PPP6R2: variants seen among roughly 807,000 people sequenced by gnomAD.
PPP6R2 encodes the protein protein phosphatase 6 regulatory subunit 2, also known as serine/threonine-protein phosphatase 6 regulatory subunit 2.
A neutral mutation model predicts 100.2 loss-of-function variants in PPP6R2; 62 were observed. That is an observed-to-expected ratio of 0.62 (90% confidence interval 0.50 to 0.76). The LOEUF (loss-of-function observed/expected upper bound fraction) is 0.76, where lower values mean the gene tolerates loss of function less well. Among genes scored for constraint, PPP6R2 ranks in the 30% least tolerant of loss-of-function variants. The pLI is 0.00. For synonymous variants in PPP6R2, 525 were observed against 514.7 expected, an observed-to-expected ratio of 1.02 and a Z score of -0.27; for missense variants, 1,142 against 1,276.3, an observed-to-expected ratio of 0.89 and a Z score of 1.60.
At chr22:50,334,429 A>G in the PPP6R2 span, among the ~76,000 whole-genome samples, 1 of 152,226 alleles carries the variant, frequency 6.6e-6, no homozygotes, top group Non-Finnish European at 1.5e-5. Context: ...AACAAAGATT[A>G]TTATAATATT....
At chr22:50,342,057 G>T (rs575211180), upstream of PPP6R2, among the ~76,000 whole-genome samples, 2 of 152,162 alleles carry the variant, frequency 1.3e-5, no homozygotes, top group East Asian at 1.9e-4. Flanking sequence ...AGCACAGGAG[G>T]GGTATCAAGA....
At chr22:50,419,858 G>A (rs7410540) in intron 8 of PPP6R2, among the ~76,000 whole-genome samples, 29,271 of 152,244 alleles carry the variant, frequency 0.19, 3,101 homozygotes, top group East Asian at 0.24. Context: ...TATCTCCCAT[G>A]CAGACTGGCC....
At chr22:50,350,034 C>T in intron 1 of PPP6R2, among the ~76,000 whole-genome samples, 1 of 152,040 alleles carries the variant, frequency 6.6e-6, no homozygotes, top group East Asian at 1.9e-4. Flanking sequence ...AGGAGAATGC[C>T]TTGAACCCAG....
At chr22:50,347,542 G>T (rs900057619) in intron 1 of PPP6R2, among the ~76,000 whole-genome samples, 1 of 151,456 alleles carries the variant, frequency 6.6e-6, no homozygotes, top group Non-Finnish European at 1.5e-5. Context: ...CCCCCGACCT[G>T]CCACTCTGTG....
At chr22:50,355,323 C>T (rs1443603188) in intron 1 of PPP6R2, among the ~76,000 whole-genome samples, 5 of 150,974 alleles carry the variant, frequency 3.3e-5, no homozygotes, top group Non-Finnish European at 5.9e-5. Context: ...CTGCAAGCTC[C>T]GCCTCCCAGG....
At chr22:50,420,620 T>C (rs9616997) in intron 8 of PPP6R2, among the ~76,000 whole-genome samples, 57,891 of 152,028 alleles carry the variant, frequency 0.38, 11,440 homozygotes, top group East Asian at 0.67. Flanking sequence ...CCAGAGCCGT[T>C]CAAGCAGTTG....
the PPP6R2 span, among the ~76,000 whole-genome samples, chr22:50,337,826 G>C: frequency 7.0e-6 from 1 of 143,348 alleles, no homozygotes; most frequent in African/African-American, 2.6e-5. Flanking sequence ...TCTGGGTACA[G>C]TGTGTGTGTG....
chr22:50,418,607 TG>T (rs2147663214), intron 6 of PPP6R2, among the ~76,000 whole-genome samples: 1 of 152,200 alleles, frequency 6.6e-6, no homozygotes, highest in East Asian at 1.9e-4. Context: ...AGGATGGTCT[TG>T]ATCTCCTGAC....
chr22:50,411,308 G>T (rs1417522821), intron 4 of PPP6R2, among the ~76,000 whole-genome samples: 1 of 152,052 alleles, frequency 6.6e-6, no homozygotes, highest in African/African-American at 2.4e-5. Context: ...ATAAAAATTA[G>T]CTGGGTGTGG....
chr22:50,423,325 C>A lies in PPP6R2; in HGVS notation c.973-137C>A. ...TTCATTTCTTCTGGCAGACGGCCCT[C>A]CCTGAGGAACCCCCACCACATACCT... On this transcript the variant is annotated intron_variant, in intron 9 of 23. Transcript: ENST00000612753. The surrounding 1 kb of genome is among the most constrained non-coding windows in gnomAD (Gnocchi z 4.8). 9.9e-7 allele frequency: 1 copy of A among 1,008,670 alleles called. No homozygotes were observed. Among genetic ancestry groups the A allele is most frequent in the Non-Finnish European group, 1.4e-6 (1 of 696,708 alleles). The allele number at this position is 1,008,670 out of a possible 1,614,324, so 62.5% of individuals were successfully genotyped here.
intron 1 of PPP6R2, among the ~76,000 whole-genome samples, chr22:50,348,735 TG>T (rs1602007850): frequency 1.3e-5 from 2 of 152,156 alleles, no homozygotes; most frequent in Admixed American, 6.6e-5. Flanking sequence ...ACTGTCATCA[TG>T]GGGGCAAGGT....
At chr22:50,342,976 G>A (rs1034229185), upstream of PPP6R2, among the ~76,000 whole-genome samples, 2 of 152,168 alleles carry the variant, frequency 1.3e-5, no homozygotes, top group Non-Finnish European at 2.9e-5. Context: ...CTGGGCCACG[G>A]GGGAAACCCC....
At chr22:50,427,588 T>TGTTGCCCA (rs1200481049) in intron 10 of PPP6R2, among the ~76,000 whole-genome samples, 1 of 152,226 alleles carries the variant, frequency 6.6e-6, no homozygotes, top group Admixed American at 6.5e-5. Flanking sequence ...AACCTCACCC[T>TGTTGCCCA]GTTGCCCAGG....
In PPP6R2 at chr22:50,398,579, G is replaced by A. The variant is rs562365425; in HGVS notation, c.227+4444G>A. On this transcript the variant is annotated intron_variant, in intron 3 of 23. Transcript: ENST00000612753. ...CAACCAGGCTGGAGTGCAGTGGCGC[G>A]ATCTTGGCTCACTGCAACCTCCGCC... Among the ~76,000 whole-genome samples, 392 of 148,886 alleles carry A rather than the reference G, an allele frequency of 2.6e-3. 1 individual carries two copies. The highest frequency in any genetic ancestry group is 3.6e-3 in the Non-Finnish European group (242 of 67,558).
At chr22:50,414,868 G>T (rs916532418) in intron 5 of PPP6R2, among the ~76,000 whole-genome samples, 179 bp downstream of exon 5, 2 of 152,244 alleles carry the variant, frequency 1.3e-5, no homozygotes, top group Admixed American at 1.3e-4. Flanking sequence ...CTTTTCCACT[G>T]TCCCGACTTA....
chr22:50,385,377 T>A (rs2053991548), intron 2 of PPP6R2, among the ~76,000 whole-genome samples: 1 of 151,636 alleles, frequency 6.6e-6, no homozygotes, highest in Non-Finnish European at 1.5e-5. Context: ...TTTTGTATTT[T>A]TAGTAGAGAC....
At chr22:50,419,695 C>G (rs2061045205) in intron 8 of PPP6R2, among the ~76,000 whole-genome samples, 1 of 152,236 alleles carries the variant, frequency 6.6e-6, no homozygotes, top group Admixed American at 6.5e-5. Flanking sequence ...TCGTCACGAC[C>G]AGTTGGCGAT....
chr22:50,367,808 A>G (rs2049065255), intron 1 of PPP6R2, among the ~76,000 whole-genome samples: 1 of 152,178 alleles, frequency 6.6e-6, no homozygotes, highest in African/African-American at 2.4e-5. Context: ...AAATAAAGAC[A>G]TAAAGCAAAG....
At position 50,422,342 on chromosome 22, in the gene PPP6R2, C is replaced by T; in HGVS notation, c.934C>T (p.Leu312=). The change falls in exon 9 of 24, where the codon CTG becomes TTG. Residue 312 remains leucine (L), a synonymous_variant. Coordinates refer to ENST00000612753, the MANE Select transcript of PPP6R2 (RefSeq NM_001242898.2). ...SSVLHGIEPR[L]KDFHQLLLNP... ...CGTACTACACGGCATCGAGCCTCGG[C>T]TGAAGGACTTCCACCAGCTCCTGCT... The T allele has an allele frequency of 9.3e-6, 15 of 1,614,102 alleles. No individual in the cohort carries two copies. Among genetic ancestry groups the T allele is most frequent in the Non-Finnish European group, 1.3e-5 (15 of 1,180,022 alleles).
Sources: gnomAD v4.1 joint callset for allele counts (sites outside exome capture counted in the v4.1 genomes callset) on GRCh38, gnomAD v4.1.1 for gene constraint, Gnocchi (gnomAD v3.1) non-coding constraint, MANE v1.5 for transcripts, NCBI Gene and HGNC (gene_info 2026-07-23, HGNC 2026-07-21) for gene names.